ZNF48: variants seen among roughly 807,000 people sequenced by gnomAD.
ZNF48 encodes zinc finger protein 553.
Under a neutral mutation model 40.0 loss-of-function variants are expected in ZNF48, and 20 were observed. That is an observed-to-expected ratio of 0.50 (90% CI 0.35 to 0.73). The LOEUF is 0.73. ZNF48 is among the 30% of genes least tolerant of loss of function. ZNF48 has a pLI of 0.01. For missense variants in ZNF48, 726 were observed against 851.9 expected (o/e 0.85, Z 1.84); for synonymous variants, 298 against 329.7 (o/e 0.90, Z 1.04).
chr16:30,378,508 G>T, intron 1 of ZNF48: 1 of 1,581,248 alleles, frequency 6.3e-7, no homozygotes, highest in Non-Finnish European at 8.6e-7. Context: ...AGCATCTCTT[G>T]CATGCGGCGC....
chr16:30,389,918 T>A (rs1466349855), intron 1 of ZNF48, among the ~76,000 whole-genome samples: 1 of 146,058 alleles, frequency 6.8e-6, no homozygotes, highest in Non-Finnish European at 1.5e-5. Flanking sequence ...GTTATTGCAG[T>A]CTTGAACACC....
intron 2 of ZNF48, chr16:30,396,083 C>G: frequency 2.2e-6 from 1 of 457,956 alleles, no homozygotes; most frequent in Non-Finnish European, 3.9e-6. Context: ...CCTTCCTCAT[C>G]CTTACTGCCT....
chr16:30,397,644 C>T lies in ZNF48; in HGVS notation c.394C>T (p.Arg132Trp), dbSNP rs754500339. 1.1e-5 allele frequency: 18 copies of T among 1,613,482 alleles called. No individual in the cohort carries two copies. The highest frequency in any genetic ancestry group is 3.3e-5 in the Admixed American group (2 of 59,970). ...GATGTCAGATCTGGTGAAACACCAG[C>T]GGACCCACACAGGGGAGAAACCCTA... ...RQMSDLVKHQ[R>W]THTGEKPYKC... Residue 132 changes from arginine to tryptophan, a missense_variant, in exon 3 of 3, where the codon CGG (arginine) becomes TGG (tryptophan). Arg to Trp is a moderately radical substitution (Grantham distance 101). This residue lies in a region of ZNF48 where 6 missense variants were observed against 25.5 expected (regional missense o/e 0.24). Coordinates refer to ENST00000613509, the MANE Select transcript of ZNF48 (RefSeq NM_001214909.2). The surrounding 1 kb of genome is among the most constrained non-coding windows in gnomAD (Gnocchi z 4.1).
At chr16:30,396,013 G>A in intron 2 of ZNF48, 140 bp downstream of exon 2, 1 of 894,074 alleles carries the variant, frequency 1.1e-6, no homozygotes, top group Non-Finnish European at 1.6e-6. Context: ...AGCTTTCGGA[G>A]CACCAACTGT....
At position 30,381,856 on chromosome 16, in the gene ZNF48, T is replaced by C; in HGVS notation, c.-16+3446T>C. ...TTCCTCAATCTCTACGCCCCGGCGC[T>C]CAATGGCCAGGGTCTGTGTCAAGCG... On this transcript the variant is annotated intron_variant, in intron 1 of 2. Coordinates refer to the ZNF48 transcript ENST00000528032. This position sits in a 1 kb window ranked among gnomAD's most constrained non-coding sequence, Gnocchi z 4.3. 6.2e-7 allele frequency: 1 copy of C among 1,614,074 alleles called. No homozygotes were observed. Among genetic ancestry groups the C allele is most frequent in the Non-Finnish European group, 8.5e-7 (1 of 1,179,990 alleles).
rs573433521 is a variant in ZNF48 at position 30,397,978 on chromosome 16, G to A, written c.728G>A (p.Arg243Gln). ...SARIKHQRTH[R>Q]GEQPPRPVVP... ...CGCATCAAGCACCAGCGGACACACC[G>A]GGGGGAGCAGCCCCCCCGACCAGTG... is the stretch of plus-strand genomic sequence containing the variant. Residue 243 changes from arginine (R) to glutamine (Q), a missense_variant, in exon 3 of 3, where the codon CGG (arginine) becomes CAG (glutamine). Arg to Gln is a conservative substitution (Grantham distance 43). This residue lies in a region of ZNF48 where 378 missense variants were observed against 449.1 expected (regional missense o/e 0.84). Transcript: ENST00000613509. The surrounding 1 kb of genome is among the most constrained non-coding windows in gnomAD (Gnocchi z 4.1). 241 of 1,613,576 alleles carry A rather than the reference G, an allele frequency of 1.5e-4. No homozygotes were observed. The highest frequency in any genetic ancestry group is 2.0e-4 in the Non-Finnish European group (233 of 1,179,908).
At chr16:30,379,603 T>A in intron 1 of ZNF48, 1 of 831,568 alleles carries the variant, frequency 1.2e-6, no homozygotes, top group Non-Finnish European at 1.9e-6. Context: ...CCAGCTTCAA[T>A]CTCCACACCC....
At position 30,398,687 on chromosome 16, in the gene ZNF48, CCT is replaced by C; in HGVS notation, c.1440_1441del (p.Cys481SerfsTer2). 6.2e-7 allele frequency: 1 copy of C among 1,613,744 alleles called. No homozygotes were observed. Among genetic ancestry groups the C allele is most frequent in the Non-Finnish European group, 8.5e-7 (1 of 1,179,944 alleles). The stretch of plus-strand genomic sequence containing the variant: ...GTGTGCACACAGGGGAGAAACCCTA[CCT>C]CTGTCCTGAATGCGGCAAGGGTTTT... ...HRVHTGEKPYLCPECGKGFAD... is the reference protein window; with the variant it reads ...HRVHTGEKPYXCPECGKGFAD... On this transcript the variant is annotated frameshift_variant, in exon 3 of 3. Coordinates refer to ENST00000613509, the MANE Select transcript of ZNF48 (RefSeq NM_001214909.2). LOFTEE classifies it high-confidence loss of function. This position sits in a 1 kb window ranked among gnomAD's most constrained non-coding sequence, Gnocchi z 6.6.
chr16:30,387,175 C>T (rs915533854), intron 1 of ZNF48, among the ~76,000 whole-genome samples: 1 of 149,382 alleles, frequency 6.7e-6, no homozygotes, highest in African/African-American at 2.4e-5. Flanking sequence ...GATCTCCTGA[C>T]CTTGTGATCC....
At chr16:30,380,366 A>C (rs1597005782) in intron 1 of ZNF48, 1 of 160,372 alleles carries the variant, frequency 6.2e-6, no homozygotes, top group Admixed American at 6.2e-5. Flanking sequence ...CAGTGGCTCC[A>C]TCTTGGTTCA....
In ZNF48 at chr16:30,395,651, G is replaced by T; in HGVS notation, c.-16+73G>T. ...GCCGGCGGCGCGGGCAGGGGGCACC[G>T]GGAGCCGCGCCCGTACCTGGGACCC... On this transcript the variant is annotated intron_variant, in intron 1 of 2. Coordinates refer to ENST00000613509, the MANE Select transcript of ZNF48 (RefSeq NM_001214909.2). The surrounding 1 kb of genome is among the most constrained non-coding windows in gnomAD (Gnocchi z 5.9). The T allele has an allele frequency of 1.6e-6, 1 of 644,244 alleles. No individual in the cohort carries two copies. The highest frequency in any genetic ancestry group is 2.1e-6 in the Non-Finnish European group (1 of 478,342). The allele number at this position is 644,244 out of a possible 1,614,324, so 39.9% of individuals were successfully genotyped here.
At chr16:30,386,031 T>G (rs562968995) in intron 1 of ZNF48, among the ~76,000 whole-genome samples, 97 of 152,076 alleles carry the variant, frequency 6.4e-4, no homozygotes, top group African/African-American at 2.2e-3. Flanking sequence ...ATCTCAGCAC[T>G]TTGGGAGGCC....
At chr16:30,378,465 TG>T in intron 1 of ZNF48, 1 of 1,575,172 alleles carries the variant, frequency 6.3e-7, no homozygotes, top group Non-Finnish European at 8.6e-7. Context: ...GCCCTGGGCC[TG>T]GCTCTGCTGC....
chr16:30,389,118 G>C (rs1372224869), intron 1 of ZNF48, among the ~76,000 whole-genome samples: 2 of 151,970 alleles, frequency 1.3e-5, no homozygotes, highest in East Asian at 3.9e-4. Flanking sequence ...AATTGGCTGG[G>C]CACAGTGGCT....
intron 1 of ZNF48, among the ~76,000 whole-genome samples, chr16:30,385,923 C>T (rs2049897406): frequency 6.6e-6 from 1 of 151,246 alleles, no homozygotes; most frequent in Admixed American, 6.6e-5. Flanking sequence ...GCTAGGAGTT[C>T]AAGACCAGTC....
intron 1 of ZNF48, chr16:30,378,455 G>T (rs779596462): frequency 1.9e-6 from 3 of 1,570,564 alleles, no homozygotes; most frequent in South Asian, 1.1e-5. Context: ...CTGACTGCTC[G>T]CCCTGGGCCT....
exon 1 of ZNF48, chr16:30,378,348 G>C: frequency 1.5e-6 from 2 of 1,301,888 alleles, no homozygotes; most frequent in Non-Finnish European, 2.1e-6. Flanking sequence ...GGAGGTCCCG[G>C]GGGGCGCTGG....
upstream of ZNF48, among the ~76,000 whole-genome samples, chr16:30,393,798 C>T (rs1385428468): frequency 1.3e-5 from 2 of 152,084 alleles, no homozygotes; most frequent in African/African-American, 4.8e-5. Context: ...TTACTGCAGC[C>T]TCAACCTCCT....
rs904158471 is a variant in ZNF48, at chr16:30,381,572, T to A, written c.-16+3162T>A. ...GGGAGTAGAATGTCATTTCTTTGGC[T>A]CCCTCCAAAGACATTAAGGGGAACT... is the stretch of plus-strand genomic sequence containing the variant. On this transcript the variant is annotated intron_variant, in intron 1 of 2. Coordinates refer to the ZNF48 transcript ENST00000528032. The surrounding 1 kb of genome is among the most constrained non-coding windows in gnomAD (Gnocchi z 4.3). The A allele has an allele frequency of 2.0e-5, 31 of 1,517,976 alleles. No individual in the cohort carries two copies. The South Asian group carries it at 3.0e-4, about 15-fold the overall frequency. 94.0% of individuals were successfully genotyped at this position (1,517,976 alleles called of 1,614,324 possible).
Sources: allele counts gnomAD v4.1 joint callset (sites outside exome capture counted in the v4.1 genomes callset), GRCh38; gene constraint gnomAD v4.1.1; regional missense constraint gnomAD v4.1.1; non-coding constraint Gnocchi (gnomAD v3.1); transcripts MANE v1.5; gene names NCBI Gene and HGNC (gene_info 2026-07-23, HGNC 2026-07-21).